The following EPC2 variants were observed in gnomAD, a reference collection of about 807,000 sequenced individuals.
EPC2 encodes enhancer of polycomb 2.
In EPC2, 14 loss-of-function variants were observed where a neutral mutation model predicts 92.1. The observed-to-expected ratio is 0.15, with a 90% CI of 0.10 to 0.24. The LOEUF is 0.24. Among genes scored for constraint, EPC2 ranks in the 10% least tolerant of loss-of-function variants. EPC2 has a pLI of 1.00. For missense variants in EPC2, 755 were observed against 971.5 expected, an observed-to-expected ratio of 0.78 and a Z score of 2.96; for synonymous variants, 340 against 334.7, an observed-to-expected ratio of 1.02 and a Z score of -0.17.
intron 2 of EPC2, chr2:148,691,486 C>G (rs750514101): frequency 1.1e-4 from 165 of 1,544,296 alleles, no homozygotes; most frequent in Non-Finnish European, 1.4e-4. Flanking sequence ...TTAAGACTGA[C>G]TATAAGATTG....
chr2:148,712,647 TG>T (rs1490007961), intron 2 of EPC2, among the ~76,000 whole-genome samples: 1 of 151,718 alleles, frequency 6.6e-6, no homozygotes, highest in Non-Finnish European at 1.5e-5. Flanking sequence ...CCCAATACTT[TG>T]GGAGGCTGAG....
chr2:148,742,430 C>T (rs1202411865), intron 2 of EPC2, among the ~76,000 whole-genome samples: 1 of 152,044 alleles, frequency 6.6e-6, no homozygotes, highest in African/African-American at 2.4e-5. Context: ...ACTGAAGTTA[C>T]ACTTTTTTTA....
At chr2:148,682,118 T>C (rs1221115731) in intron 1 of EPC2, among the ~76,000 whole-genome samples, 1 of 152,242 alleles carries the variant, frequency 6.6e-6, no homozygotes, top group African/African-American at 2.4e-5. Flanking sequence ...ATCCAGTCTG[T>C]CATTCATGGA....
At chr2:148,659,187 C>T (rs1470267806) in intron 1 of EPC2, among the ~76,000 whole-genome samples, 1 of 152,002 alleles carries the variant, frequency 6.6e-6, no homozygotes, top group African/African-American at 2.4e-5. Context: ...TAACTGAGGT[C>T]TTTGGTGCCT....
At chr2:148,711,057 T>C (rs1000726185) in intron 2 of EPC2, among the ~76,000 whole-genome samples, 3 of 152,196 alleles carry the variant, frequency 2.0e-5, no homozygotes, top group Non-Finnish European at 4.4e-5. Flanking sequence ...TTTGGTGTTA[T>C]TGTTTTTTTC....
intron 2 of EPC2, among the ~76,000 whole-genome samples, chr2:148,721,328 G>A (rs1019853078): frequency 2.8e-5 from 4 of 145,428 alleles, no homozygotes; most frequent in African/African-American, 7.5e-5. Flanking sequence ...AGGTTGTTGG[G>A]TTTTTTTTTT....
chr2:148,672,737 T>A (rs1388634591), intron 1 of EPC2, among the ~76,000 whole-genome samples: 1 of 152,214 alleles, frequency 6.6e-6, no homozygotes, highest in Admixed American at 6.5e-5. Flanking sequence ...TGCATACCAC[T>A]ATTACAGTAG....
chr2:148,698,783 T>A (rs1430893375), intron 2 of EPC2, among the ~76,000 whole-genome samples: 8 of 145,104 alleles, frequency 5.5e-5, no homozygotes, highest in Admixed American at 2.2e-4. Context: ...ATAATAATTC[T>A]GTCTCTCCAA....
intron 1 of EPC2, among the ~76,000 whole-genome samples, chr2:148,656,676 A>G (rs994016728): frequency 3.3e-5 from 5 of 152,308 alleles, no homozygotes; most frequent in African/African-American, 1.2e-4. Context: ...TAGATGGCAT[A>G]TTGGTATTTG....
At position 148,784,737 on chromosome 2, in the gene EPC2, T is replaced by C; in HGVS notation, c.2087T>C (p.Leu696Pro). ...AGCCCAGGGATTTCAGCTGTACAGC[T>C]TGTAAGGACAGTTGGCCACACCACT... ...SSSPGISAVQLVRTVGHTTTN... is the reference protein window; with the variant it reads ...SSSPGISAVQPVRTVGHTTTN... Residue 696 changes from leucine (L) to proline (P), a missense_variant, in exon 13 of 14, where the codon CTT (leucine) becomes CCT (proline). This residue lies in a region of EPC2 where 207 missense variants were observed against 260.5 expected (regional missense o/e 0.79). Transcript: ENST00000258484. The C allele has an allele frequency of 1.2e-6, 2 of 1,613,978 alleles. No homozygotes were observed. The highest frequency in any genetic ancestry group is 1.7e-6 in the Non-Finnish European group (2 of 1,179,852).
chr2:148,680,062 G>T (rs1681363565), intron 1 of EPC2, among the ~76,000 whole-genome samples: 1 of 150,646 alleles, frequency 6.6e-6, no homozygotes, highest in African/African-American at 2.4e-5. Context: ...ATTTCTGCCT[G>T]GCACTGGAAG....
At chr2:148,779,848 T>TA (rs1336605116) in intron 10 of EPC2, among the ~76,000 whole-genome samples, 4 of 152,232 alleles carry the variant, frequency 2.6e-5, no homozygotes, top group African/African-American at 9.6e-5. Flanking sequence ...GTTGTAATAA[T>TA]ACCAGATTCC....
chr2:148,732,436 A>G (rs2046658946), intron 2 of EPC2, among the ~76,000 whole-genome samples: 1 of 146,530 alleles, frequency 6.8e-6, no homozygotes, highest in African/African-American at 2.5e-5. Context: ...GCTAGAGTGC[A>G]GTGGCACGAT....
chr2:148,712,068 G>C (rs570622609), intron 2 of EPC2, among the ~76,000 whole-genome samples: 1 of 152,124 alleles, frequency 6.6e-6, no homozygotes, highest in African/African-American at 2.4e-5. Flanking sequence ...TATTTAAAGT[G>C]ATTATTGATT....
intron 1 of EPC2, among the ~76,000 whole-genome samples, chr2:148,663,513 C>G (rs1181412086): frequency 6.6e-6 from 1 of 151,216 alleles, no homozygotes; most frequent in Non-Finnish European, 1.5e-5. Context: ...CCACTGCGCC[C>G]AGCCAAGTTT....
intron 1 of EPC2, among the ~76,000 whole-genome samples, chr2:148,663,190 TTTTGTA>T (rs1680975055): frequency 8.7e-6 from 1 of 115,152 alleles, no homozygotes; most frequent in African/African-American, 3.1e-5. Flanking sequence ...TCTACTGTGT[TTTTGTA>T]TTATTATTAT....
intron 6 of EPC2, among the ~76,000 whole-genome samples, chr2:148,764,314 C>T (rs1683367249): frequency 6.6e-6 from 1 of 152,146 alleles, no homozygotes; most frequent in African/African-American, 2.4e-5. Flanking sequence ...TATGTTAAAA[C>T]AGTAACAGAG....
Position 148,750,899 on chromosome 2 carries a change from G to A in EPC2, c.460-3028G>A, listed in dbSNP as rs76909599. On this transcript the variant is annotated intron_variant, in intron 3 of 13. Coordinates refer to ENST00000258484, the MANE Select transcript of EPC2 (RefSeq NM_015630.4). Reference sequence around the variant, plus strand: ...AAAAGAAGTTGTGTAGCAAAGAGGTGTTCACTTATCAACCCTGAACACAGT... The same window carrying A: ...AAAAGAAGTTGTGTAGCAAAGAGGTATTCACTTATCAACCCTGAACACAGT... Among the ~76,000 whole-genome samples the A allele has an allele frequency of 2.5e-3, 378 of 152,206 alleles. 16 individuals carry two copies. The East Asian group carries it at 0.067, about 27-fold the overall frequency.
At chr2:148,698,565 G>A (rs190840132) in intron 2 of EPC2, among the ~76,000 whole-genome samples, 1 of 147,806 alleles carries the variant, frequency 6.8e-6, no homozygotes, top group Non-Finnish European at 1.5e-5. Flanking sequence ...GAACCTGGGA[G>A]GTGGAGGTTT....
Sources: allele counts gnomAD v4.1 joint callset (sites outside exome capture counted in the v4.1 genomes callset), GRCh38; gene constraint gnomAD v4.1.1; regional missense constraint gnomAD v4.1.1; transcripts MANE v1.5; gene names NCBI Gene and HGNC (gene_info 2026-07-23, HGNC 2026-07-21).